SLC39A11: variants seen among roughly 807,000 people sequenced by gnomAD.
SLC39A11 encodes the protein solute carrier family 39 member 11, also known as zinc transporter ZIP11.
A neutral mutation model predicts 36.1 loss-of-function variants in SLC39A11; 33 were observed. The ratio of observed to expected loss-of-function variants is 0.91; its 90% CI spans 0.69 to 1.22. SLC39A11 has a LOEUF of 1.22. Among genes scored for constraint, SLC39A11 ranks in the 50% most tolerant of loss-of-function variants. The pLI is 0.00. For missense variants in SLC39A11, 432 were observed against 430.3 expected (o/e 1.00, Z -0.03); for synonymous variants, 166 against 170.3 (o/e 0.97, Z 0.20).
chr17:72,844,610 A>G (rs1234092810), intron 6 of SLC39A11, among the ~76,000 whole-genome samples: 2 of 152,236 alleles, frequency 1.3e-5, no homozygotes, highest in East Asian at 3.8e-4. Flanking sequence ...TGGAGGTTGC[A>G]GTGAGCCAAA....
At chr17:72,991,394 G>T in intron 4 of SLC39A11, among the ~76,000 whole-genome samples, 1 of 147,738 alleles carries the variant, frequency 6.8e-6, no homozygotes, top group African/African-American at 2.5e-5. Flanking sequence ...GCCTTGCTCT[G>T]TCACCCAGAC....
intron 5 of SLC39A11, among the ~76,000 whole-genome samples, chr17:72,916,770 C>T (rs2147191926): frequency 6.6e-6 from 1 of 152,240 alleles, no homozygotes; most frequent in South Asian, 2.1e-4. Context: ...AGGACTCTCC[C>T]AAAAGGCTTC....
chr17:73,048,202 T>TA lies in SLC39A11; in HGVS notation c.148-16489dup, dbSNP rs1332485739. On this transcript the variant is annotated intron_variant, in intron 3 of 9. Transcript: ENST00000255559. Reference sequence around the variant, plus strand: ...CATCCCCCTCCTTCTCTCCCCTCCTTAGAGTCTTCAGTGCTTCTTTTTCCC... The same window carrying TA: ...CATCCCCCTCCTTCTCTCCCCTCCTTAAGAGTCTTCAGTGCTTCTTTTTCCC... 1.1e-4 allele frequency among the ~76,000 whole-genome samples: 17 copies of TA among 151,740 alleles called. No individual in the cohort carries two copies. In the South Asian group the frequency reaches 2.3e-3, roughly 20 times the overall value.
intron 1 of SLC39A11, among the ~76,000 whole-genome samples, chr17:73,089,984 C>T (rs1470206252): frequency 1.3e-5 from 2 of 152,170 alleles, no homozygotes; most frequent in African/African-American, 4.8e-5. Context: ...TGTTCTGGTA[C>T]ACAAACACTG....
chr17:73,023,430 C>T (rs1220585018), intron 4 of SLC39A11, among the ~76,000 whole-genome samples: 2 of 152,114 alleles, frequency 1.3e-5, no homozygotes, highest in Non-Finnish European at 2.9e-5. Flanking sequence ...AGGAGGACTG[C>T]TTGAGCCCAA....
At chr17:72,838,675 T>C (rs2078676425) in intron 6 of SLC39A11, among the ~76,000 whole-genome samples, 1 of 152,086 alleles carries the variant, frequency 6.6e-6, no homozygotes. Flanking sequence ...GATGAGAAAA[T>C]GCCACACAAT....
intron 5 of SLC39A11, among the ~76,000 whole-genome samples, chr17:72,933,893 A>G (rs1230869609): frequency 6.6e-6 from 1 of 152,228 alleles, no homozygotes; most frequent in African/African-American, 2.4e-5. Flanking sequence ...CACAAAAACC[A>G]ATGAATCAGA....
intron 7 of SLC39A11, chr17:72,664,074 C>T (rs907705849): frequency 2.5e-5 from 4 of 160,806 alleles, no homozygotes; most frequent in African/African-American, 9.7e-5. Flanking sequence ...GGGACACCCG[C>T]CTAGCCAGCC....
At chr17:72,860,695 T>C (rs1488515288) in intron 5 of SLC39A11, among the ~76,000 whole-genome samples, 2 of 152,178 alleles carry the variant, frequency 1.3e-5, no homozygotes, top group African/African-American at 2.4e-5. Context: ...CCTTTTTCTC[T>C]GAGGTATTGA....
chr17:72,838,716 G>A (rs572873474), intron 6 of SLC39A11, among the ~76,000 whole-genome samples: 7 of 152,262 alleles, frequency 4.6e-5, no homozygotes, highest in East Asian at 3.9e-4. Flanking sequence ...GAGATTGAGC[G>A]ACAGATCATG....
chr17:72,807,034 T>C (rs1465392162), intron 6 of SLC39A11, among the ~76,000 whole-genome samples: 2 of 152,206 alleles, frequency 1.3e-5, no homozygotes, highest in Non-Finnish European at 2.9e-5. Context: ...TTAAGAGATT[T>C]CCTCAACTTC....
chr17:72,918,245 C>T (rs1350666819), intron 5 of SLC39A11, among the ~76,000 whole-genome samples: 3 of 152,072 alleles, frequency 2.0e-5, no homozygotes, highest in African/African-American at 2.4e-5. Flanking sequence ...CTTGTCTCTA[C>T]CAAAAATATA....
intron 5 of SLC39A11, among the ~76,000 whole-genome samples, chr17:72,897,504 G>C (rs2082091852): frequency 6.6e-6 from 1 of 152,172 alleles, no homozygotes; most frequent in South Asian, 2.1e-4. Context: ...CTTGAGATAA[G>C]TAGTTGAACG....
chr17:72,953,758 C>T (rs1225591882), intron 4 of SLC39A11, among the ~76,000 whole-genome samples: 1 of 152,250 alleles, frequency 6.6e-6, no homozygotes, highest in Non-Finnish European at 1.5e-5. Flanking sequence ...CAGTACCAAC[C>T]TTCAATAGGT....
At chr17:72,670,202 CACACACACACAT>C (rs747490521) in intron 7 of SLC39A11, among the ~76,000 whole-genome samples, 1,250 of 77,404 alleles carry the variant, frequency 0.016, 11 homozygotes, top group Middle Eastern at 0.031. Flanking sequence ...CACACACACA[CACACACACACAT>C]ATATATATAT....
intron 5 of SLC39A11, among the ~76,000 whole-genome samples, chr17:72,927,024 T>C (rs2084089789): frequency 6.6e-6 from 1 of 152,170 alleles, no homozygotes; most frequent in African/African-American, 2.4e-5. Context: ...CAGATGACAA[T>C]GTCCGGTTGC....
chr17:72,696,569 T>C (rs941369114), intron 7 of SLC39A11, among the ~76,000 whole-genome samples: 2 of 152,092 alleles, frequency 1.3e-5, no homozygotes, highest in African/African-American at 4.8e-5. Context: ...CCAGGTGTTG[T>C]CTGCTGTCTG....
intron 7 of SLC39A11, among the ~76,000 whole-genome samples, chr17:72,734,135 T>C (rs996558930): frequency 3.3e-5 from 5 of 152,100 alleles, no homozygotes; most frequent in African/African-American, 9.7e-5. Flanking sequence ...TATCCTCCCA[T>C]GAAATCCTAT....
chr17:72,900,192 A>AAGGAAGGAAG lies in SLC39A11; in HGVS notation c.430+47559_430+47560insCTTCCTTCCT, dbSNP rs1567912855. Among the ~76,000 whole-genome samples, 79 of 137,118 alleles carry AAGGAAGGAAG rather than the reference A, an allele frequency of 5.8e-4. 8 individuals carry two copies. The highest frequency in any genetic ancestry group is 2.5e-3 in the African/African-American group (74 of 29,506). The allele number at this position is 137,118 out of a possible 152,430, so 90.0% of individuals were successfully genotyped here. On this transcript the variant is annotated intron_variant, in intron 5 of 9. Coordinates refer to ENST00000255559, the MANE Select transcript of SLC39A11 (RefSeq NM_139177.4). ...AAGAAAGAAAGAAAGAAAGAAAGAA[A>AAGGAAGGAAG]GAAAGAAAGAAAGAAAGAAAGAAAG... is the stretch of plus-strand genomic sequence containing the variant.
Sources: gnomAD v4.1 joint callset for allele counts (sites outside exome capture counted in the v4.1 genomes callset) on GRCh38, gnomAD v4.1.1 for gene constraint, MANE v1.5 for transcripts, NCBI Gene and HGNC (gene_info 2026-07-23, HGNC 2026-07-21) for gene names.